Variants in HRH4 observed in about 807,000 individuals in gnomAD.
HRH4 encodes histamine H4 receptor.
In HRH4, 12 loss-of-function variants were observed where a neutral mutation model predicts 10.4. The observed-to-expected ratio is 1.15, with a 90% CI of 0.74 to 1.87. The LOEUF (loss-of-function observed/expected upper bound fraction) is 1.87. Ranked by LOEUF, HRH4 falls within the 40% of genes most tolerant of loss-of-function variation. The pLI is 0.00. For synonymous variants in HRH4, 154 were observed against 166.6 expected (o/e 0.92, Z 0.58); for missense variants, 415 against 453.3 (o/e 0.92, Z 0.77).
intron 1 of HRH4, among the ~76,000 whole-genome samples, chr18:24,465,053 A>G (rs150119637): frequency 0.013 from 1,969 of 151,828 alleles, 46 homozygotes; most frequent in African/African-American, 0.045. Context: ...TTGAGAGGCC[A>G]AGGTGGGTGG....
At chr18:24,465,993 A>G (rs1909764591) in intron 1 of HRH4, among the ~76,000 whole-genome samples, 1 of 152,142 alleles carries the variant, frequency 6.6e-6, no homozygotes, top group African/African-American at 2.4e-5. Context: ...TCCAGTGTTG[A>G]AAATACTCAT....
At chr18:24,472,462 T>A (rs913118275) in intron 2 of HRH4, among the ~76,000 whole-genome samples, 5 of 151,690 alleles carry the variant, frequency 3.3e-5, no homozygotes, top group Non-Finnish European at 7.4e-5. Context: ...CAGCACAGAG[T>A]AAAATATATA....
intron 2 of HRH4, among the ~76,000 whole-genome samples, chr18:24,470,629 G>A (rs1011067735): frequency 1.2e-4 from 18 of 149,882 alleles, no homozygotes; most frequent in Non-Finnish European, 2.2e-4. Flanking sequence ...TCAGCCTCCC[G>A]AGTAGCTGGG....
rs1910240061 is a variant in HRH4 at position 24,479,197 on chromosome 18, C to T, written c.*1635C>T. 6.6e-6 allele frequency: 1 copy of T among 151,910 alleles called. No individual in the cohort carries two copies. 9.4% of individuals were successfully genotyped at this position (151,910 alleles called of 1,614,324 possible). A position where few individuals can be genotyped will look rare whatever the true frequency, so the allele number is the denominator to read the frequency against. On this transcript the variant is annotated 3_prime_UTR_variant, in exon 3 of 3. Coordinates refer to ENST00000256906, the MANE Select transcript of HRH4 (RefSeq NM_021624.4). ...CCGTGTTGGCCAGACTGGTCTCAAA[C>T]TCCTGGGCTGAAACAATCCTCCCGC...
chr18:24,469,516 A>G (rs1386458474), intron 2 of HRH4, among the ~76,000 whole-genome samples: 1 of 152,240 alleles, frequency 6.6e-6, no homozygotes, highest in Non-Finnish European at 1.5e-5. Flanking sequence ...TCTACGAGTT[A>G]GTGGAAATTT....
chr18:24,479,656 C>G lies in HRH4; in HGVS notation c.*2094C>G, dbSNP rs1337002785. ...TTGCCTTTCTTGAAGTGTTCTCTGCCTGTCTTTGTCACAAAATTTCATTTT... is the reference window on the plus strand; with the variant it reads ...TTGCCTTTCTTGAAGTGTTCTCTGCGTGTCTTTGTCACAAAATTTCATTTT... On this transcript the variant is annotated 3_prime_UTR_variant, in exon 3 of 3. Coordinates refer to ENST00000256906, the MANE Select transcript of HRH4 (RefSeq NM_021624.4). The G allele has an allele frequency of 6.6e-6, 1 of 152,194 alleles. No homozygotes were observed. The highest frequency in any genetic ancestry group is 1.5e-5 in the Non-Finnish European group (1 of 68,030). The allele number at this position is 152,194 out of a possible 1,614,324, so 9.4% of individuals were successfully genotyped here.
At chr18:24,471,606 CAAAAAAAAAAAAAAAAA>C (rs60730879) in intron 2 of HRH4, among the ~76,000 whole-genome samples, 3 of 51,392 alleles carry the variant, frequency 5.8e-5, no homozygotes, top group Non-Finnish European at 9.3e-5. Context: ...GACTCCATCT[CAAAAAAAAAAAAAAAAA>C]AAAAAAAAAA....
intron 1 of HRH4, among the ~76,000 whole-genome samples, chr18:24,464,800 T>C (rs1349694124): frequency 6.6e-6 from 1 of 152,098 alleles, no homozygotes; most frequent in Non-Finnish European, 1.5e-5. Flanking sequence ...ATCCCTGCCC[T>C]CATGATGCTT....
At chr18:24,471,378 G>C (rs1909946600) in intron 2 of HRH4, among the ~76,000 whole-genome samples, 1 of 151,798 alleles carries the variant, frequency 6.6e-6, no homozygotes, top group African/African-American at 2.4e-5. Flanking sequence ...GCCAAGGCAG[G>C]TGGATCTCTT....
At chr18:24,473,544 T>A (rs1311020527) in intron 2 of HRH4, among the ~76,000 whole-genome samples, 3 of 152,174 alleles carry the variant, frequency 2.0e-5, no homozygotes, top group Non-Finnish European at 4.4e-5. Context: ...TGTAACGTGG[T>A]GTTGTCTCCC....
intron 2 of HRH4, among the ~76,000 whole-genome samples, chr18:24,474,508 C>T (rs995432861): frequency 6.6e-6 from 1 of 152,142 alleles, no homozygotes; most frequent in Non-Finnish European, 1.5e-5. Context: ...CAATGCTGCA[C>T]CCCTTTAAAC....
chr18:24,462,283 G>A (rs1261568188), intron 1 of HRH4, among the ~76,000 whole-genome samples: 1 of 152,154 alleles, frequency 6.6e-6, no homozygotes, highest in Non-Finnish European at 1.5e-5. Context: ...AAATACCAGC[G>A]TGAGTGTGGA....
At chr18:24,469,045 T>C (rs1909862500) in intron 2 of HRH4, 94 bp downstream of exon 2, 2 of 969,514 alleles carry the variant, frequency 2.1e-6, no homozygotes, top group African/African-American at 1.7e-5. Flanking sequence ...TAATTGTTAA[T>C]TTAATCGACA....
At chr18:24,476,690 A>G (rs1301115432) in intron 2 of HRH4, 57 bp from the exon 3 acceptor site, 2 of 1,268,976 alleles carry the variant, frequency 1.6e-6, no homozygotes, top group African/African-American at 1.5e-5. Flanking sequence ...TCTATGAGAT[A>G]CTTTATGCAT....
intron 2 of HRH4, among the ~76,000 whole-genome samples, chr18:24,476,040 A>AG (rs773098046): frequency 4.6e-5 from 7 of 152,072 alleles, no homozygotes; most frequent in Non-Finnish European, 8.8e-5. Flanking sequence ...CTAAAAAAAA[A>AG]GTCTTTTTGT....
chr18:24,460,637 A>T lies in HRH4; in HGVS notation c.-92A>T. On this transcript the variant is annotated 5_prime_UTR_variant, in exon 1 of 3. Coordinates refer to ENST00000256906, the MANE Select transcript of HRH4 (RefSeq NM_021624.4). ...ACAGTGTTGTTTTGAGTGGAAGACTACACATTTTAGGTATGTGATTAGAAA... is the reference window on the plus strand; with the variant it reads ...ACAGTGTTGTTTTGAGTGGAAGACTTCACATTTTAGGTATGTGATTAGAAA... 1 of 708,780 alleles carries T rather than the reference A, an allele frequency of 1.4e-6. No homozygotes were observed. Among genetic ancestry groups the T allele is most frequent in the Non-Finnish European group, 2.2e-6 (1 of 449,732 alleles). The allele number at this position is 708,780 out of a possible 1,614,324, so 43.9% of individuals were successfully genotyped here.
intron 1 of HRH4, 135 bp from the exon 2 acceptor site, chr18:24,468,653 C>A (rs748995607): frequency 1.2e-5 from 10 of 832,442 alleles, no homozygotes; most frequent in Non-Finnish European, 1.8e-5. Flanking sequence ...GATGAAATAC[C>A]GTGAATTTCT....
At position 24,476,999 on chromosome 18, in the gene HRH4, C is replaced by T. The variant is rs115230320; in HGVS notation, c.610C>T (p.Arg204Cys). 557 of 1,614,146 alleles carry T rather than the reference C, an allele frequency of 3.5e-4. 1 individual carries two copies. The East Asian group carries it at 9.0e-3, about 26-fold the overall frequency. Residue 204 changes from arginine (R) to cysteine (C), a missense_variant, in exon 3 of 3, where the codon CGT becomes TGT. Arg to Cys is a radical substitution (Grantham distance 180, BLOSUM62 -3). Coordinates refer to ENST00000256906, the MANE Select transcript of HRH4 (RefSeq NM_021624.4). ...NMNIYWSLWK[R>C]DHLSRCQSHP... ...GAATATTTATTGGAGCCTGTGGAAG[C>T]GTGATCATCTCAGTAGGTGCCAAAG...
chr18:24,477,614 T>G lies in HRH4; in HGVS notation c.*52T>G. On this transcript the variant is annotated 3_prime_UTR_variant, in exon 3 of 3. Transcript: ENST00000256906. ...TTAGTCTCAATCTCACCTAAATGAATCAGGTCTGCCCTTTATCTTGCCCTT... is the reference window on the plus strand; with the variant it reads ...TTAGTCTCAATCTCACCTAAATGAAGCAGGTCTGCCCTTTATCTTGCCCTT... 1 of 1,275,124 alleles carries G rather than the reference T, an allele frequency of 7.8e-7. No individual in the cohort carries two copies. Among genetic ancestry groups the G allele is most frequent in the Non-Finnish European group, 1.1e-6 (1 of 924,350 alleles). The allele number at this position is 1,275,124 out of a possible 1,614,324, so 79.0% of individuals were successfully genotyped here.
Sources: allele counts gnomAD v4.1 joint callset (sites outside exome capture counted in the v4.1 genomes callset), GRCh38; gene constraint gnomAD v4.1.1; transcripts MANE v1.5; gene names NCBI Gene and HGNC (gene_info 2026-07-23, HGNC 2026-07-21).